The following SKIC8 variants were observed in gnomAD, a reference collection of about 807,000 sequenced individuals.
The protein encoded by SKIC8 is SKI8 subunit of superkiller complex, also known as superkiller complex protein 8.
At chr15:78,283,546 C>G in the SKIC8 span, 1 of 1,510,394 alleles carries the variant, frequency 6.6e-7, no homozygotes, top group Non-Finnish European at 9.2e-7. Context: ...AAAGATAGTT[C>G]TACAAATGCC....
the SKIC8 span, chr15:78,294,927 A>T: frequency 1.2e-6 from 2 of 1,614,156 alleles, no homozygotes; most frequent in Non-Finnish European, 1.7e-6. Flanking sequence ...TGAATTGCTT[A>T]AACAGGCAGG....
the SKIC8 span, chr15:78,295,112 G>T: frequency 2.1e-6 from 2 of 948,790 alleles, no homozygotes; most frequent in Admixed American, 4.5e-5. Context: ...TGGCCATCCC[G>T]CAAGCTCCTT....
chr15:78,295,081 T>C, the SKIC8 span: 4 of 1,313,912 alleles, frequency 3.0e-6, no homozygotes, highest in Non-Finnish European at 4.4e-6. Context: ...ACAGTGTTAG[T>C]TACTTCCTCT....
the SKIC8 span, chr15:78,294,927 A>G: frequency 6.2e-7 from 1 of 1,614,156 alleles, no homozygotes; most frequent in Non-Finnish European, 8.5e-7. Context: ...TGAATTGCTT[A>G]AACAGGCAGG....
the SKIC8 span, chr15:78,295,600 A>G: frequency 1.3e-6 from 2 of 1,595,494 alleles, no homozygotes; most frequent in Non-Finnish European, 1.7e-6. Context: ...TCTTGACTAC[A>G]CATCCAGAAA....
the SKIC8 span, among the ~76,000 whole-genome samples, chr15:78,296,631 G>A: frequency 8.6e-5 from 13 of 151,660 alleles, no homozygotes; most frequent in African/African-American, 2.9e-4. Context: ...ACCTCAGCCC[G>A]AGTGGCTGGG....
chr15:78,288,588 T>C, the SKIC8 span, among the ~76,000 whole-genome samples: 237 of 152,314 alleles, frequency 1.6e-3, 1 homozygote, highest in African/African-American at 5.5e-3. Flanking sequence ...CCCAGAGCCA[T>C]TTCTCCTTAG....
At chr15:78,288,119 G>A in the SKIC8 span, among the ~76,000 whole-genome samples, 19 of 152,198 alleles carry the variant, frequency 1.2e-4, no homozygotes, top group Non-Finnish European at 5.9e-5. Flanking sequence ...AGCCCTTGAG[G>A]ACACACACTA....
the SKIC8 span, among the ~76,000 whole-genome samples, chr15:78,299,271 A>G: frequency 6.6e-6 from 1 of 152,156 alleles, no homozygotes; most frequent in Non-Finnish European, 1.5e-5. Flanking sequence ...CGGATAAATG[A>G]TCTCCTCCGC....
chr15:78,294,850 G>C, the SKIC8 span: 13 of 1,472,314 alleles, frequency 8.8e-6, no homozygotes, highest in Admixed American at 2.3e-4. Context: ...GAGTATACTT[G>C]AAAACTGCAT....
chr15:78,296,090 A>C, the SKIC8 span: 3 of 163,080 alleles, frequency 1.8e-5, no homozygotes, highest in African/African-American at 7.2e-5. Context: ...GGGGGAATCC[A>C]AAGATGGCAA....
At chr15:78,299,263 G>A in the SKIC8 span, among the ~76,000 whole-genome samples, 9 of 152,148 alleles carry the variant, frequency 5.9e-5, no homozygotes, top group Admixed American at 3.3e-4. Context: ...CCCAGCTACG[G>A]ATAAATGATC....
chr15:78,285,389 G>C, the SKIC8 span: 56 of 1,546,050 alleles, frequency 3.6e-5, no homozygotes, highest in Middle Eastern at 3.4e-4. Flanking sequence ...GAAGGACTTC[G>C]ACCAAAAATC....
At chr15:78,286,828 A>G in the SKIC8 span, 1 of 152,072 alleles carries the variant, frequency 6.6e-6, no homozygotes, top group South Asian at 2.1e-4. Flanking sequence ...GGGAGGGTAA[A>G]AAGTCCTGGG....
chr15:78,283,272 C>T, the SKIC8 span: 1 of 575,532 alleles, frequency 1.7e-6, no homozygotes, highest in Non-Finnish European at 3.0e-6. Context: ...GTATGAACAG[C>T]ATTTCCAATA....
the SKIC8 span, chr15:78,285,989 G>A: frequency 6.7e-7 from 1 of 1,487,630 alleles, no homozygotes; most frequent in East Asian, 2.3e-5. Context: ...TATACAAGAA[G>A]ACTGCTCTCA....
chr15:78,285,725 C>T, the SKIC8 span: 50 of 415,354 alleles, frequency 1.2e-4, no homozygotes, highest in Middle Eastern at 1.3e-3. Context: ...ACACTGGGAT[C>T]TATAAACAAC....
chr15:78,289,903 G>C, the SKIC8 span: 1 of 1,597,300 alleles, frequency 6.3e-7, no homozygotes, highest in Non-Finnish European at 8.5e-7. Flanking sequence ...AGGCTGGAAG[G>C]GTAAACTGAA....
the SKIC8 span, among the ~76,000 whole-genome samples, chr15:78,297,428 T>C: frequency 6.6e-6 from 1 of 152,102 alleles, no homozygotes; most frequent in African/African-American, 2.4e-5. Flanking sequence ...AATTCATAAA[T>C]ACAGAATCCA....
Sources: allele counts gnomAD v4.1 joint callset (sites outside exome capture counted in the v4.1 genomes callset), GRCh38; gene constraint gnomAD v4.1.1; transcripts MANE v1.5; gene names NCBI Gene and HGNC (gene_info 2026-07-23, HGNC 2026-07-21).